EIF4E3: variants seen among roughly 807,000 people sequenced by gnomAD.
EIF4E3 encodes the protein eukaryotic translation initiation factor 4E family member 3, also known as eukaryotic translation initiation factor 4E type 3.
Under a neutral mutation model 31.7 loss-of-function variants are expected in EIF4E3, and 26 were observed. The observed-to-expected ratio is 0.82, with a 90% CI of 0.60 to 1.14. The LOEUF (loss-of-function observed/expected upper bound fraction) is 1.14, where lower values mean the gene tolerates loss of function less well. Among genes scored for constraint, EIF4E3 ranks in the 50% most tolerant of loss-of-function variants. The probability of loss-of-function intolerance (pLI) is 0.00; values close to 1 mark genes in which losing one functional copy is unlikely to be tolerated. For synonymous variants in EIF4E3, 128 were observed against 107.7 expected, an observed-to-expected ratio of 1.19 and a Z score of -1.17; for missense variants, 304 against 270.9, an observed-to-expected ratio of 1.12 and a Z score of -0.86.
chr3:71,697,299 G>A (rs1206574683), intron 3 of EIF4E3, among the ~76,000 whole-genome samples: 1 of 152,156 alleles, frequency 6.6e-6, no homozygotes, highest in African/African-American at 2.4e-5. Flanking sequence ...GGGATTACAG[G>A]CATGAGCCAC....
intron 6 of EIF4E3, among the ~76,000 whole-genome samples, chr3:71,685,643 G>C (rs373135172): frequency 6.6e-6 from 1 of 152,178 alleles, no homozygotes; most frequent in Non-Finnish European, 1.5e-5. Flanking sequence ...GATTATAGGC[G>C]TGAGCCACCA....
intron 1 of EIF4E3, among the ~76,000 whole-genome samples, chr3:71,714,071 A>G (rs898039454): frequency 1.3e-5 from 2 of 151,990 alleles, no homozygotes; most frequent in Admixed American, 6.6e-5. Context: ...AAATAGCTGG[A>G]CGTGGTGGTG....
At chr3:71,740,859 G>A (rs547059924) in intron 1 of EIF4E3, among the ~76,000 whole-genome samples, 4 of 152,276 alleles carry the variant, frequency 2.6e-5, no homozygotes, top group Admixed American at 6.5e-5. Flanking sequence ...CATCCCAGCC[G>A]GCCGCGGTGG....
downstream of EIF4E3, among the ~76,000 whole-genome samples, chr3:71,670,801 TTG>T (rs2048843847): frequency 6.6e-6 from 1 of 152,178 alleles, no homozygotes; most frequent in Admixed American, 6.5e-5. Context: ...TTCGCGTGCA[TTG>T]TCTCATTTAA....
At chr3:71,665,569 T>A in the EIF4E3 span, among the ~76,000 whole-genome samples, 1 of 152,220 alleles carries the variant, frequency 6.6e-6, no homozygotes, top group Non-Finnish European at 1.5e-5. Context: ...TGTAACATAC[T>A]TTTAACTGGA....
chr3:71,747,752 G>A (rs758696718), intron 1 of EIF4E3, among the ~76,000 whole-genome samples: 4 of 151,962 alleles, frequency 2.6e-5, no homozygotes, highest in Non-Finnish European at 5.9e-5. Context: ...TATAGTTTTA[G>A]CCCTGAGTTT....
chr3:71,742,172 G>T (rs906731659), intron 1 of EIF4E3, among the ~76,000 whole-genome samples: 6 of 151,988 alleles, frequency 3.9e-5, no homozygotes, highest in African/African-American at 1.2e-4. Flanking sequence ...CAATGAAATA[G>T]AAAACAGAAA....
intron 1 of EIF4E3, among the ~76,000 whole-genome samples, chr3:71,716,406 T>TG (rs2049466970): frequency 6.6e-6 from 1 of 152,160 alleles, no homozygotes; most frequent in East Asian, 1.9e-4. Context: ...CTAATTTTTT[T>TG]GTATTTTTAG....
At chr3:71,692,024 C>T (rs1173707137) in intron 5 of EIF4E3, among the ~76,000 whole-genome samples, 4 of 152,068 alleles carry the variant, frequency 2.6e-5, no homozygotes, top group Admixed American at 1.3e-4. Flanking sequence ...TGATGGATGC[C>T]GAACTGTCAA....
At chr3:71,673,559 A>C (rs896755681), downstream of EIF4E3, among the ~76,000 whole-genome samples, 1 of 152,172 alleles carries the variant, frequency 6.6e-6, no homozygotes, top group African/African-American at 2.4e-5. Flanking sequence ...CTTAAAAAAA[A>C]AAACACCGCT....
chr3:71,726,082 G>A (rs1191207181), upstream of EIF4E3, among the ~76,000 whole-genome samples: 1 of 152,130 alleles, frequency 6.6e-6, no homozygotes, highest in African/African-American at 2.4e-5. Context: ...GGTGGGCTTT[G>A]CATTCCTCTT....
chr3:71,754,102 T>C, upstream of EIF4E3: 1 of 1,389,856 alleles, frequency 7.2e-7, no homozygotes, highest in Non-Finnish European at 9.4e-7. This position sits in a 1 kb window ranked among gnomAD's most constrained non-coding sequence, Gnocchi z 5.8. Context: ...GCGGCCGCCC[T>C]GGGCCTCAAG....
At chr3:71,714,561 A>G (rs1475477881) in intron 1 of EIF4E3, among the ~76,000 whole-genome samples, 1 of 152,250 alleles carries the variant, frequency 6.6e-6, no homozygotes, top group Non-Finnish European at 1.5e-5. Flanking sequence ...TCCTTTTGTG[A>G]GCCAAATGTG....
chr3:71,699,984 G>T (rs1196245814), intron 2 of EIF4E3, among the ~76,000 whole-genome samples: 3 of 152,082 alleles, frequency 2.0e-5, no homozygotes, highest in Non-Finnish European at 4.4e-5. Context: ...ACCAACCTGG[G>T]CAATGTGGCA....
chr3:71,745,969 G>C, intron 1 of EIF4E3, among the ~76,000 whole-genome samples: 1 of 152,176 alleles, frequency 6.6e-6, no homozygotes, highest in African/African-American at 2.4e-5. Context: ...GATATTGAAA[G>C]TGTTTATTTT....
At chr3:71,718,284 G>C (rs1007046975) in intron 1 of EIF4E3, among the ~76,000 whole-genome samples, 7 of 152,220 alleles carry the variant, frequency 4.6e-5, no homozygotes, top group African/African-American at 1.7e-4. Context: ...GGCTACACCA[G>C]CTTCCTGTCT....
At chr3:71,725,403 G>A (rs2049621030), upstream of EIF4E3, 4 of 977,150 alleles carry the variant, frequency 4.1e-6, no homozygotes, top group South Asian at 1.4e-4. The surrounding 1 kb of genome is among the most constrained non-coding windows in gnomAD (Gnocchi z 6.1). Flanking sequence ...GCGGACGCGC[G>A]GACCGCGGGG....
chr3:71,695,650 G>C (rs9310219), intron 4 of EIF4E3, among the ~76,000 whole-genome samples: 2 of 151,894 alleles, frequency 1.3e-5, no homozygotes, highest in Non-Finnish European at 1.5e-5. Flanking sequence ...AAATCTGGTC[G>C]TGTCTTTAGG....
chr3:71,727,456 A>G (rs1295493866), upstream of EIF4E3, among the ~76,000 whole-genome samples: 2 of 152,218 alleles, frequency 1.3e-5, no homozygotes, highest in Non-Finnish European at 2.9e-5. Flanking sequence ...AATTCATTGT[A>G]AAGAGGTAAT....
Sources: allele counts gnomAD v4.1 joint callset (sites outside exome capture counted in the v4.1 genomes callset), GRCh38; gene constraint gnomAD v4.1.1; non-coding constraint Gnocchi (gnomAD v3.1); transcripts MANE v1.5; gene names NCBI Gene and HGNC (gene_info 2026-07-23, HGNC 2026-07-21).